SF3B3: variants seen among roughly 807,000 people sequenced by gnomAD.
The protein encoded by SF3B3 is SAP 130.
SF3B3 carries 33 observed loss-of-function variants against 139.2 expected under a neutral mutation model. That is an observed-to-expected ratio of 0.24 (90% CI 0.18 to 0.32). The LOEUF (loss-of-function observed/expected upper bound fraction) is 0.32. SF3B3 is among the 10% of genes least tolerant of loss of function. The pLI is 1.00. For synonymous variants in SF3B3, 596 were observed against 563.6 expected (o/e 1.06, Z -0.81); for missense variants, 818 against 1,509.4 (o/e 0.54, Z 7.59).
intron 14 of SF3B3, 198 bp downstream of exon 14, chr16:70,556,532 A>G: frequency 1.6e-6 from 1 of 634,494 alleles, no homozygotes; most frequent in Non-Finnish European, 2.7e-6. Context: ...ATATGATCTG[A>G]GACTACAGAA....
chr16:70,541,646 TTCTC>T lies in SF3B3; in HGVS notation c.1068-20_1068-17del. 6.2e-7 allele frequency: 1 copy of T among 1,605,408 alleles called. No individual in the cohort carries two copies. Among genetic ancestry groups the T allele is most frequent in the Non-Finnish European group, 8.5e-7 (1 of 1,173,844 alleles). ...AGGCAGAGAACTCGTTACCGAAAGT[TTCTC>T]TCCTCTGCTTCTTCCCAGTTACTTA... On this transcript the variant is annotated intron_variant, in intron 8 of 25. Coordinates refer to ENST00000302516, the MANE Select transcript of SF3B3 (RefSeq NM_012426.5).
At chr16:70,545,255 C>CAA (rs1333276356) in intron 10 of SF3B3, among the ~76,000 whole-genome samples, 1 of 152,088 alleles carries the variant, frequency 6.6e-6, no homozygotes, top group Non-Finnish European at 1.5e-5. Context: ...TTTGTAGAGA[C>CAA]AGAGTCTTAT....
chr16:70,557,658 AT>A (rs945826731), intron 15 of SF3B3, among the ~76,000 whole-genome samples: 1 of 151,848 alleles, frequency 6.6e-6, no homozygotes, highest in African/African-American at 2.4e-5. Flanking sequence ...GGTTGTTGTT[AT>A]TTTTTTAGTT....
intron 10 of SF3B3, among the ~76,000 whole-genome samples, chr16:70,545,726 A>C (rs370711602): frequency 1.2e-4 from 19 of 152,288 alleles, no homozygotes; most frequent in East Asian, 5.8e-4. Flanking sequence ...AGCTATTACT[A>C]AGTTTTTGTT....
chr16:70,563,611 CTT>C (rs1016639377), intron 17 of SF3B3: 7 of 359,458 alleles, frequency 1.9e-5, no homozygotes, highest in African/African-American at 1.3e-4. Flanking sequence ...TAAAAAAAAA[CTT>C]TTGACAATCG....
intron 7 of SF3B3, 46 bp from the exon 8 acceptor site, chr16:70,539,058 C>T: frequency 7.6e-7 from 1 of 1,308,994 alleles, no homozygotes; most frequent in Non-Finnish European, 1.1e-6. Context: ...TAATACGGGG[C>T]TCACTTCACT....
intron 11 of SF3B3, among the ~76,000 whole-genome samples, chr16:70,553,148 C>T (rs1369263968): frequency 6.6e-6 from 1 of 152,206 alleles, no homozygotes; most frequent in African/African-American, 2.4e-5. Flanking sequence ...TTTCTAACTC[C>T]TGATCTCAGG....
chr16:70,559,925 G>A (rs903815940), intron 15 of SF3B3, among the ~76,000 whole-genome samples: 3 of 151,898 alleles, frequency 2.0e-5, no homozygotes, highest in East Asian at 1.9e-4. Flanking sequence ...GGGGTGCGGG[G>A]GGGTGGTAAA....
intron 17 of SF3B3, 84 bp downstream of exon 17, chr16:70,561,868 C>A (rs2151792043): frequency 8.1e-7 from 1 of 1,241,100 alleles, no homozygotes; most frequent in African/African-American, 1.5e-5. Flanking sequence ...TTGGAGGAGG[C>A]TGTGAAGAGG....
chr16:70,523,844 G>A lies in SF3B3; in HGVS notation c.-155G>A. The A allele has an allele frequency of 1.9e-6, 1 of 533,130 alleles. No individual in the cohort carries two copies. Among genetic ancestry groups the A allele is most frequent in the Non-Finnish European group, 3.3e-6 (1 of 303,834 alleles). 33.0% of individuals were successfully genotyped at this position (533,130 alleles called of 1,614,324 possible). On this transcript the variant is annotated 5_prime_UTR_variant, in exon 1 of 26. Coordinates refer to ENST00000302516, the MANE Select transcript of SF3B3 (RefSeq NM_012426.5). ...CCTGTCTTGAGGTCTAATGGCGGACGCCAGTATGTTGGAGTTGGTGGTGGC... is the reference window on the plus strand; with the variant it reads ...CCTGTCTTGAGGTCTAATGGCGGACACCAGTATGTTGGAGTTGGTGGTGGC...
At chr16:70,556,439 G>A in intron 14 of SF3B3, 105 bp downstream of exon 14, 1 of 1,325,372 alleles carries the variant, frequency 7.5e-7, no homozygotes. Context: ...TCTGAGATCA[G>A]CTGGGTTAGA....
chr16:70,543,297 C>A (rs1221468672), intron 9 of SF3B3, among the ~76,000 whole-genome samples: 3 of 151,784 alleles, frequency 2.0e-5, no homozygotes, highest in Admixed American at 6.6e-5. Context: ...GTAATCGCAG[C>A]TACTTAGGAG....
At chr16:70,526,328 C>T (rs1178207392) in intron 1 of SF3B3, among the ~76,000 whole-genome samples, 1 of 152,080 alleles carries the variant, frequency 6.6e-6, no homozygotes, top group African/African-American at 2.4e-5. Flanking sequence ...CTGCCTCAGC[C>T]TCCCGAGTAG....
chr16:70,529,291 G>T (rs932089128), intron 3 of SF3B3, 92 bp downstream of exon 3: 8 of 1,047,728 alleles, frequency 7.6e-6, no homozygotes, highest in Non-Finnish European at 9.8e-6. Flanking sequence ...AATTACTTAT[G>T]TGGGTTTGGC....
chr16:70,554,952 C>A, intron 12 of SF3B3, 99 bp from the exon 13 acceptor site: 1 of 1,171,290 alleles, frequency 8.5e-7, no homozygotes, highest in East Asian at 2.5e-5. Context: ...TGCAGTGGCC[C>A]CAGGTCTGAT....
intron 11 of SF3B3, among the ~76,000 whole-genome samples, chr16:70,553,057 CCACCACACCCAG>C (rs2050342659): frequency 6.6e-6 from 1 of 152,124 alleles, no homozygotes; most frequent in Non-Finnish European, 1.5e-5. Context: ...CAGGCGCCCA[CCACCACACCCAG>C]CTAATTTTTG....
At chr16:70,530,343 GA>G (rs991766934) in intron 3 of SF3B3, among the ~76,000 whole-genome samples, 5 of 145,926 alleles carry the variant, frequency 3.4e-5, no homozygotes, top group African/African-American at 1.3e-4. Flanking sequence ...AAATGAGGCA[GA>G]GTTTCGCACT....
At chr16:70,553,947 C>T (rs1010122572) in intron 11 of SF3B3, among the ~76,000 whole-genome samples, 3 of 152,166 alleles carry the variant, frequency 2.0e-5, no homozygotes, top group Admixed American at 2.0e-4. Context: ...CAGCTTCCAA[C>T]CCTAGAATGA....
intron 7 of SF3B3, 33 bp from the exon 8 acceptor site, chr16:70,539,067 CTTTG>C (rs765480773): frequency 1.5e-4 from 215 of 1,458,966 alleles, no homozygotes; most frequent in Non-Finnish European, 1.8e-4. Context: ...GCTCACTTCA[CTTTG>C]TTTGTACACC....
Sources: gnomAD v4.1 joint callset for allele counts (sites outside exome capture counted in the v4.1 genomes callset) on GRCh38, gnomAD v4.1.1 for gene constraint, MANE v1.5 for transcripts, NCBI Gene and HGNC (gene_info 2026-07-23, HGNC 2026-07-21) for gene names.